The following C9orf43 variants were observed in gnomAD, a reference collection of about 807,000 sequenced individuals.
C9orf43 encodes uncharacterized protein C9orf43.
In C9orf43, 45 loss-of-function variants were observed where a neutral mutation model predicts 59.1. The ratio of observed to expected loss-of-function variants is 0.76; its 90% CI spans 0.60 to 0.98. The LOEUF (loss-of-function observed/expected upper bound fraction) is 0.98. Ranked by LOEUF, C9orf43 falls within the 50% of genes least tolerant of loss-of-function variation. C9orf43 has a pLI of 0.00. For synonymous variants in C9orf43, 203 were observed against 196.8 expected (o/e 1.03, Z -0.26); for missense variants, 533 against 554.9 (o/e 0.96, Z 0.40).
chr9:113,426,815 G>T (rs575582529), intron 11 of C9orf43, among the ~76,000 whole-genome samples: 1 of 152,308 alleles, frequency 6.6e-6, no homozygotes, highest in South Asian at 2.1e-4. Flanking sequence ...GGTGACTGGG[G>T]TGCCTCTGTG....
intron 6 of C9orf43, among the ~76,000 whole-genome samples, chr9:113,423,102 G>A (rs892617491): frequency 2.6e-5 from 4 of 152,140 alleles, no homozygotes; most frequent in Non-Finnish European, 4.4e-5. Flanking sequence ...GTAAACGAAT[G>A]ACCTTTCTGG....
At position 113,422,532 on chromosome 9, in the gene C9orf43, GT is replaced by G; in HGVS notation, c.447-13del. The G allele has an allele frequency of 6.2e-7, 1 of 1,613,276 alleles. No homozygotes were observed. Among genetic ancestry groups the G allele is most frequent in the Non-Finnish European group, 8.5e-7 (1 of 1,179,804 alleles). ...TGAGAAGCATGTTTTGTTTTGTTTT[GT>G]TTTGTTTTTCTCCAGCCAGCATGGG... On this transcript the variant is annotated splice_polypyrimidine_tract_variant and intron_variant, in intron 5 of 13. Coordinates refer to ENST00000374165, the MANE Select transcript of C9orf43 (RefSeq NM_001278629.2).
In C9orf43 at chr9:113,428,971, A is replaced by G. The variant is rs1005847800; in HGVS notation, c.1171+8A>G. 1.2e-6 allele frequency: 2 copies of G among 1,611,398 alleles called. No individual in the cohort carries two copies. Among genetic ancestry groups the G allele is most frequent in the Non-Finnish European group, 1.7e-6 (2 of 1,177,438 alleles). ...TCCACCACAGTGTAAAAAGTAAGTT[A>G]CTAGAGTAGAGGAACCTTAGTAAGT... On this transcript the variant is annotated splice_region_variant and intron_variant, in intron 13 of 13. Transcript: ENST00000374165.
At chr9:113,426,496 C>G (rs1828797246) in intron 11 of C9orf43, among the ~76,000 whole-genome samples, 1 of 152,178 alleles carries the variant, frequency 6.6e-6, no homozygotes, top group African/African-American at 2.4e-5. Context: ...GTTTAATCAT[C>G]AGAAAGAGCT....
intron 11 of C9orf43, among the ~76,000 whole-genome samples, chr9:113,426,308 T>G (rs534538476): frequency 1.4e-4 from 22 of 152,258 alleles, no homozygotes; most frequent in African/African-American, 4.8e-4. Flanking sequence ...AGAATGGACA[T>G]CTCCCCTTTT....
chr9:113,413,657 G>C lies in C9orf43; in HGVS notation c.151+13G>C. The C allele has an allele frequency of 6.2e-7, 1 of 1,613,748 alleles. No individual in the cohort carries two copies. Among genetic ancestry groups the C allele is most frequent in the Non-Finnish European group, 8.5e-7 (1 of 1,179,648 alleles). On this transcript the variant is annotated intron_variant, in intron 2 of 13. Transcript: ENST00000374165. ...CTGGATGCTGAAGGTGAATTAGCCAGCTTCTGTCCTCTCCCTCACGAGGTC... is the reference window on the plus strand; with the variant it reads ...CTGGATGCTGAAGGTGAATTAGCCACCTTCTGTCCTCTCCCTCACGAGGTC...
At chr9:113,416,936 A>G (rs1475657687) in intron 3 of C9orf43, among the ~76,000 whole-genome samples, 1 of 152,182 alleles carries the variant, frequency 6.6e-6, no homozygotes, top group African/African-American at 2.4e-5. Context: ...CCTTTTGGTC[A>G]TTTGAGTTTA....
Position 113,429,304 on chromosome 9 carries a change from G to A in C9orf43, c.1304G>A (p.Trp435Ter). 1 of 1,614,196 alleles carries A rather than the reference G, an allele frequency of 6.2e-7. No homozygotes were observed. The highest frequency in any genetic ancestry group is 1.3e-5 in the African/African-American group (1 of 75,054). Reference sequence around the variant, plus strand: ...TCAGAAATTATGGCTAGCACAGGCTGGAACTCTGAGCTCAAACTACTTAGG... The same window carrying A: ...TCAGAAATTATGGCTAGCACAGGCTAGAACTCTGAGCTCAAACTACTTAGG... ...NFSEIMASTG[W>*]NSELKLLRIL... Residue 435 changes from tryptophan to a stop codon, truncating the protein, a stop_gained, in exon 14 of 14, where the codon TGG becomes TAG. Transcript: ENST00000374165. LOFTEE classifies it low-confidence loss of function (END_TRUNC).
chr9:113,419,116 A>C lies in C9orf43; in HGVS notation c.296A>C (p.Lys99Thr). The C allele has an allele frequency of 6.2e-7, 1 of 1,609,580 alleles. No homozygotes were observed. The highest frequency in any genetic ancestry group is 1.1e-5 in the South Asian group (1 of 89,778). Reference sequence around the variant, plus strand: ...TGGAACTCATTTTTTAGGCCTCCGAAGGGTTTACCTGACAAAAGTTTGATC... The same window carrying C: ...TGGAACTCATTTTTTAGGCCTCCGACGGGTTTACCTGACAAAAGTTTGATC... The part of the protein sequence containing the change: ...FYSKFHGRPP[K>T]GLPDKSLINC... Residue 99 changes from lysine (K) to threonine (T), a missense_variant, in exon 4 of 14, where the codon AAG becomes ACG. Coordinates refer to ENST00000374165, the MANE Select transcript of C9orf43 (RefSeq NM_001278629.2).
intron 1 of C9orf43, 47 bp downstream of exon 1, chr9:113,411,048 T>G (rs1332559051): frequency 4.1e-6 from 4 of 985,356 alleles, no homozygotes; most frequent in Non-Finnish European, 4.8e-6. Flanking sequence ...TTGTTTGTGT[T>G]TAACGCGAAC....
At chr9:113,420,299 C>T (rs1828515514) in intron 4 of C9orf43, among the ~76,000 whole-genome samples, 1 of 152,098 alleles carries the variant, frequency 6.6e-6, no homozygotes. Context: ...CACTATGTTG[C>T]CCAGGCTGGT....
chr9:113,411,518 C>T (rs528224097), intron 1 of C9orf43, among the ~76,000 whole-genome samples: 100 of 152,212 alleles, frequency 6.6e-4, no homozygotes, highest in African/African-American at 2.3e-3. Flanking sequence ...CCAAGATGGT[C>T]TCGATCTCCT....
In C9orf43 at chr9:113,428,134, CTT is replaced by C; in HGVS notation, c.1031-11_1031-10del. 1.9e-6 allele frequency: 3 copies of C among 1,614,014 alleles called. No homozygotes were observed. The highest frequency in any genetic ancestry group is 2.2e-5 in the East Asian group (1 of 44,884). On this transcript the variant is annotated splice_polypyrimidine_tract_variant and intron_variant, in intron 11 of 13. Transcript: ENST00000374165. Reference sequence around the variant, plus strand: ...TAATAAGAGGAAGATTGAATGGACTCTTTGGTTACTAGGTTACAGAACTCTGC... The same window carrying C: ...TAATAAGAGGAAGATTGAATGGACTCTGGTTACTAGGTTACAGAACTCTGC...
intron 11 of C9orf43, among the ~76,000 whole-genome samples, chr9:113,426,509 C>T (rs142933321): frequency 6.6e-6 from 1 of 152,154 alleles, no homozygotes; most frequent in African/African-American, 2.4e-5. Flanking sequence ...AAAGAGCTCT[C>T]CAATCCTGGG....
In C9orf43 at chr9:113,423,311, T is replaced by C; in HGVS notation, c.484-15T>C. The C allele has an allele frequency of 6.2e-7, 1 of 1,612,124 alleles. No individual in the cohort carries two copies. Among genetic ancestry groups the C allele is most frequent in the Non-Finnish European group, 8.5e-7 (1 of 1,178,398 alleles). ...AGAATGCTTTGGAGAATTCTTTCCATTGTTTCTCTTCCAGAAAAGCAAGTC... is the reference window on the plus strand; with the variant it reads ...AGAATGCTTTGGAGAATTCTTTCCACTGTTTCTCTTCCAGAAAAGCAAGTC... On this transcript the variant is annotated splice_polypyrimidine_tract_variant and intron_variant, in intron 6 of 13. Coordinates refer to ENST00000374165, the MANE Select transcript of C9orf43 (RefSeq NM_001278629.2).
intron 3 of C9orf43, among the ~76,000 whole-genome samples, chr9:113,417,009 C>T (rs1177282933): frequency 2.6e-5 from 4 of 152,196 alleles, no homozygotes; most frequent in Non-Finnish European, 2.9e-5. Flanking sequence ...TTTCCTTACA[C>T]CCTCATTGTC....
intron 3 of C9orf43, among the ~76,000 whole-genome samples, chr9:113,414,668 T>C (rs1289031366): frequency 6.6e-6 from 1 of 152,104 alleles, no homozygotes; most frequent in Non-Finnish European, 1.5e-5. Context: ...CTTACTGGGT[T>C]AGGGCCCCCT....
intron 6 of C9orf43, 73 bp from the exon 7 acceptor site, chr9:113,423,253 G>A: frequency 6.8e-7 from 1 of 1,472,796 alleles, no homozygotes; most frequent in Non-Finnish European, 9.3e-7. Flanking sequence ...GTGTTGAGAG[G>A]CTAGAATGTT....
chr9:113,412,833 T>C (rs1828220995), intron 1 of C9orf43, among the ~76,000 whole-genome samples: 2 of 152,254 alleles, frequency 1.3e-5, no homozygotes. Flanking sequence ...AATGAAAAGC[T>C]AATGGCCTCT....
Sources: allele counts gnomAD v4.1 joint callset (sites outside exome capture counted in the v4.1 genomes callset), GRCh38; gene constraint gnomAD v4.1.1; transcripts MANE v1.5; gene names NCBI Gene and HGNC (gene_info 2026-07-23, HGNC 2026-07-21).